PPARGC1A: variants seen among roughly 807,000 people sequenced by gnomAD.
The protein encoded by PPARGC1A is PPARG coactivator 1 alpha.
PPARGC1A carries 25 observed loss-of-function variants against 88.7 expected under a neutral mutation model. The observed-to-expected ratio is 0.28, with a 90% CI of 0.21 to 0.39. The LOEUF (loss-of-function observed/expected upper bound fraction) is 0.39. PPARGC1A is among the 10% of genes least tolerant of loss of function. The probability of loss-of-function intolerance (pLI) is 1.00; values close to 1 mark genes in which losing one functional copy is unlikely to be tolerated. For missense variants in PPARGC1A, 880 were observed against 968.7 expected, an observed-to-expected ratio of 0.91 and a Z score of 1.22; for synonymous variants, 363 against 355.6, an observed-to-expected ratio of 1.02 and a Z score of -0.24.
chr4:24,189,346 C>T, the PPARGC1A span, among the ~76,000 whole-genome samples: 1 of 152,166 alleles, frequency 6.6e-6, no homozygotes, highest in African/African-American at 2.4e-5. Flanking sequence ...GGGAGGGAGA[C>T]TTGATCTAAA....
chr4:24,035,356 A>G, the PPARGC1A span, among the ~76,000 whole-genome samples: 2 of 152,002 alleles, frequency 1.3e-5, no homozygotes, highest in African/African-American at 2.4e-5. Context: ...ATGGGCCAAC[A>G]TGGTTAAACC....
the PPARGC1A span, among the ~76,000 whole-genome samples, chr4:24,354,796 A>C: frequency 6.6e-6 from 1 of 152,198 alleles, no homozygotes; most frequent in Non-Finnish European, 1.5e-5. Context: ...CTGAGGCAGG[A>C]GAATGGCATG....
chr4:23,849,646 A>T (rs988421365), intron 2 of PPARGC1A, among the ~76,000 whole-genome samples: 4 of 152,216 alleles, frequency 2.6e-5, no homozygotes, highest in African/African-American at 9.6e-5. Context: ...TAGAGAGAAT[A>T]GAACCTTTAG....
chr4:24,123,927 A>C, the PPARGC1A span, among the ~76,000 whole-genome samples: 1 of 148,642 alleles, frequency 6.7e-6, no homozygotes, highest in East Asian at 2.2e-4. Context: ...AAAAAAAAAC[A>C]AAAAAAACAG....
chr4:23,968,542 A>T, the PPARGC1A span, among the ~76,000 whole-genome samples: 1 of 152,204 alleles, frequency 6.6e-6, no homozygotes, highest in African/African-American at 2.4e-5. Flanking sequence ...TTATGAAGAC[A>T]GTCATCTTTT....
At chr4:24,028,718 C>T in the PPARGC1A span, among the ~76,000 whole-genome samples, 1 of 152,154 alleles carries the variant, frequency 6.6e-6, no homozygotes, top group South Asian at 2.1e-4. Context: ...AAATAAGCCT[C>T]CTCAGAATGA....
At chr4:24,299,935 T>C in the PPARGC1A span, among the ~76,000 whole-genome samples, 7 of 152,240 alleles carry the variant, frequency 4.6e-5, no homozygotes, top group African/African-American at 1.7e-4. Context: ...GCTGAGATCA[T>C]AGTCTGCATC....
At chr4:24,184,353 A>G in the PPARGC1A span, among the ~76,000 whole-genome samples, 2 of 152,172 alleles carry the variant, frequency 1.3e-5, no homozygotes, top group Admixed American at 1.3e-4. Flanking sequence ...CATTAAACTA[A>G]TTTTCTTTCC....
At chr4:23,948,800 G>T in the PPARGC1A span, among the ~76,000 whole-genome samples, 16 of 151,986 alleles carry the variant, frequency 1.1e-4, no homozygotes, top group Admixed American at 1.1e-3. Flanking sequence ...TTCATTTGAG[G>T]TGGCATGGAG....
chr4:24,318,946 T>C, the PPARGC1A span, among the ~76,000 whole-genome samples: 85 of 152,140 alleles, frequency 5.6e-4, no homozygotes, highest in Non-Finnish European at 6.2e-4. Flanking sequence ...GAATACTATT[T>C]CTGTAGTTGG....
At chr4:23,853,206 A>G (rs1234892159) in intron 2 of PPARGC1A, among the ~76,000 whole-genome samples, 1 of 152,178 alleles carries the variant, frequency 6.6e-6, no homozygotes, top group Non-Finnish European at 1.5e-5. Context: ...CGATTAAAGG[A>G]AAGTACAGAA....
At chr4:24,275,364 A>G in the PPARGC1A span, among the ~76,000 whole-genome samples, 1 of 152,234 alleles carries the variant, frequency 6.6e-6, no homozygotes, top group Non-Finnish European at 1.5e-5. Flanking sequence ...GAAAACCTAA[A>G]TAACATTATG....
chr4:24,247,491 ATAGAG>A, the PPARGC1A span, among the ~76,000 whole-genome samples: 30 of 152,296 alleles, frequency 2.0e-4, no homozygotes, highest in African/African-American at 4.3e-4. Flanking sequence ...CATTATGATG[ATAGAG>A]TAAAGAGAAT....
chr4:24,382,539 T>A, the PPARGC1A span, among the ~76,000 whole-genome samples: 1 of 152,128 alleles, frequency 6.6e-6, no homozygotes, highest in South Asian at 2.1e-4. Context: ...TATCTAGACA[T>A]GTTTGTAGAC....
At chr4:24,183,680 C>T in the PPARGC1A span, among the ~76,000 whole-genome samples, 1 of 152,104 alleles carries the variant, frequency 6.6e-6, no homozygotes, top group African/African-American at 2.4e-5. Context: ...CACTGGTTTC[C>T]CTTCCTCACT....
chr4:23,814,151 G>C lies in PPARGC1A; in HGVS notation c.1332C>G (p.Val444=), dbSNP rs769906875. The change falls in exon 8 of 13, where the codon GTC becomes GTG. Residue 444 remains valine (V), a synonymous_variant. Transcript: ENST00000264867. ...LRETLEASKQ[V]SPCSTRKQLQ... is the part of the protein sequence containing the mutation. The stretch of plus-strand genomic sequence containing the variant: ...GCTGTTTTCTTGTGCTGCAAGGAGA[G>C]ACCTGCTTGCTTGCCTCCAAAGTCT... 2 of 1,613,958 alleles carry C rather than the reference G, an allele frequency of 1.2e-6. No individual in the cohort carries two copies. Among genetic ancestry groups the C allele is most frequent in the Non-Finnish European group, 1.7e-6 (2 of 1,179,996 alleles).
rs1454294999 is a variant in PPARGC1A, at chr4:23,813,065, C to T, written c.1854G>A (p.Leu618=). Residue 618 remains leucine, a synonymous_variant, in exon 9 of 13, where the codon TTG becomes TTA. Coordinates refer to ENST00000264867, the MANE Select transcript of PPARGC1A (RefSeq NM_013261.5). ...GCGATCTTGAACGTGATCTCACATA[C>T]AAGGGAGAATTTCGGTGCGTGCGGT... The part of the protein sequence containing the change: ...YRHRTHRNSP[L]YVRSRSRSPY... The T allele has an allele frequency of 6.2e-7, 1 of 1,614,092 alleles. No individual in the cohort carries two copies. Among genetic ancestry groups the T allele is most frequent in the Non-Finnish European group, 8.5e-7 (1 of 1,179,990 alleles).
the PPARGC1A span, among the ~76,000 whole-genome samples, chr4:24,024,428 T>C: frequency 6.6e-6 from 1 of 152,238 alleles, no homozygotes; most frequent in African/African-American, 2.4e-5. Flanking sequence ...TTACTTCACA[T>C]GAAGCAGTTC....
chr4:24,416,607 C>T, the PPARGC1A span, among the ~76,000 whole-genome samples: 3 of 152,120 alleles, frequency 2.0e-5, no homozygotes, highest in African/African-American at 7.2e-5. Context: ...AATTAGAAGT[C>T]CTGGGCCCAG....
Sources: allele counts gnomAD v4.1 joint callset (sites outside exome capture counted in the v4.1 genomes callset), GRCh38; gene constraint gnomAD v4.1.1; transcripts MANE v1.5; gene names NCBI Gene and HGNC (gene_info 2026-07-23, HGNC 2026-07-21).